Variants in ATP13A1 observed in about 807,000 individuals in gnomAD.
ATP13A1 encodes endoplasmic reticulum transmembrane helix translocase.
ATP13A1 carries 55 observed loss-of-function variants against 134.8 expected under a neutral mutation model. That is an observed-to-expected ratio of 0.41 (90% CI 0.33 to 0.51). ATP13A1 has a LOEUF of 0.51. Among genes scored for constraint, ATP13A1 ranks in the 20% least tolerant of loss-of-function variants. The pLI is 0.29. For synonymous variants in ATP13A1, 775 were observed against 725.1 expected (o/e 1.07, Z -1.10); for missense variants, 1,389 against 1,652.8 (o/e 0.84, Z 2.77).
chr19:19,649,506 C>G, intron 19 of ATP13A1, 61 bp downstream of exon 19: 4 of 1,538,876 alleles, frequency 2.6e-6, no homozygotes, highest in Admixed American at 3.7e-5. Context: ...GTCTTTCTAG[C>G]TCAGTGACAT....
At chr19:19,660,271 C>T (rs1377222833) in intron 1 of ATP13A1, among the ~76,000 whole-genome samples, 5 of 150,480 alleles carry the variant, frequency 3.3e-5, no homozygotes. Flanking sequence ...CACTTGAGAT[C>T]AGGAGTTTGA....
rs1313128550 is a variant in ATP13A1, at chr19:19,655,544, G to C, written c.1380C>G (p.Ala460=). Reference sequence around the variant, plus strand: ...GGCGCTTACCTTCAATCCATACATAGGCAGCTGCAGCGATGGCAAACACCA... The same window carrying C: ...GGCGCTTACCTTCAATCCATACATACGCAGCTGCAGCGATGGCAAACACCA... ...FLLVFAIAAA[A]YVWIEGTKDP... The change falls in exon 10 of 26, where the codon GCC becomes GCG. Residue 460 remains alanine, a synonymous_variant. Transcript: ENST00000357324. This position sits in a 1 kb window ranked among gnomAD's most constrained non-coding sequence, Gnocchi z 5.7. The C allele has an allele frequency of 6.2e-7, 1 of 1,613,976 alleles. No homozygotes were observed. Among genetic ancestry groups the C allele is most frequent in the Non-Finnish European group, 8.5e-7 (1 of 1,179,876 alleles).
At chr19:19,658,753 C>A (rs969059927) in intron 3 of ATP13A1, among the ~76,000 whole-genome samples, 1 of 152,160 alleles carries the variant, frequency 6.6e-6, no homozygotes, top group Non-Finnish European at 1.5e-5. Context: ...GACATGGTCA[C>A]GGTCTTCCAT....
Position 19,645,842 on chromosome 19 carries a change from C to G in ATP13A1, c.3360+32G>C. On this transcript the variant is annotated intron_variant, in intron 24 of 25. Coordinates refer to ENST00000357324, the MANE Select transcript of ATP13A1 (RefSeq NM_020410.3). This position sits in a 1 kb window ranked among gnomAD's most constrained non-coding sequence, Gnocchi z 4.1. ...CATGGGGTGGGGCTGGGTGGGCAGA[C>G]AGTGAATGTTTGGGCAGGGCCCAGG... 6.2e-7 allele frequency: 1 copy of G among 1,612,326 alleles called. No individual in the cohort carries two copies. Among genetic ancestry groups the G allele is most frequent in the East Asian group, 2.2e-5 (1 of 44,854 alleles).
intron 22 of ATP13A1, chr19:19,646,604 A>G (rs1056779590): frequency 1.8e-6 from 1 of 542,954 alleles, no homozygotes; most frequent in African/African-American, 1.9e-5. Context: ...AGAATCATGA[A>G]GCAGATCCTG....
chr19:19,656,017 A>G lies in ATP13A1; in HGVS notation c.1213+37T>C, dbSNP rs1278346129. 1.9e-6 allele frequency: 3 copies of G among 1,612,960 alleles called. No homozygotes were observed. The highest frequency in any genetic ancestry group is 2.5e-6 in the Non-Finnish European group (3 of 1,179,676). ...TCAAGCAGACGGGCAAAGGGGGTGG[A>G]AGCCCAGATACCCCCAGACGCCCAT... On this transcript the variant is annotated intron_variant, in intron 8 of 25. Transcript: ENST00000357324. This position sits in a 1 kb window ranked among gnomAD's most constrained non-coding sequence, Gnocchi z 4.6.
chr19:19,659,536 C>T, intron 3 of ATP13A1, 65 bp downstream of exon 3: 1 of 1,350,496 alleles, frequency 7.4e-7, no homozygotes, highest in Non-Finnish European at 1.0e-6. Context: ...GCTTCCTAGG[C>T]ACCCTGAATC....
Position 19,663,556 on chromosome 19 carries a change from G to C in ATP13A1, c.111C>G (p.Ala37=), listed in dbSNP as rs1476272131. ...CGTTCGCTATGAGCGCCGGCCCGGC[G>C]GCAAGGAGCGCGCGCGGCTGCGGCC... ...KPGPQPRALL[A]AGPALIANGD... is the part of the protein sequence containing the mutation. The change falls in exon 1 of 26, where the codon GCC becomes GCG. Residue 37 remains alanine (A), a synonymous_variant. Transcript: ENST00000357324. The C allele has an allele frequency of 2.6e-6, 4 of 1,512,024 alleles. No homozygotes were observed. The allele number at this position is 1,512,024 out of a possible 1,614,324, so 93.7% of individuals were successfully genotyped here.
In ATP13A1 at chr19:19,647,635, C is replaced by T. The variant is rs1037040663; in HGVS notation, c.2757G>A (p.Gly919=). 1 of 1,613,242 alleles carries T rather than the reference C, an allele frequency of 6.2e-7. No homozygotes were observed. Among genetic ancestry groups the T allele is most frequent in the Admixed American group, 1.7e-5 (1 of 60,010 alleles). Residue 919 remains glycine, a synonymous_variant, in exon 20 of 26, where the codon GGG becomes GGA. Transcript: ENST00000357324. The surrounding 1 kb of genome is among the most constrained non-coding windows in gnomAD (Gnocchi z 4.8). ...TTGGCTGCTCCTCGGAGGGAGGGAG[C>T]CCCGACCGCTGCTTGGCTGTCCTGG... is the stretch of plus-strand genomic sequence containing the variant. ...ATSRTAKQRS[G]LPPSEEQPTS...
chr19:19,657,975 C>G (rs1382725996), intron 3 of ATP13A1, among the ~76,000 whole-genome samples: 1 of 151,850 alleles, frequency 6.6e-6, no homozygotes, highest in Non-Finnish European at 1.5e-5. Flanking sequence ...ACAGCAAGAC[C>G]TTCTATTTAC....
chr19:19,646,426 C>T (rs1599425791), intron 22 of ATP13A1, 79 bp from the exon 23 acceptor site: 1 of 1,530,422 alleles, frequency 6.5e-7, no homozygotes, highest in East Asian at 2.3e-5. Flanking sequence ...GCAGTAACAT[C>T]CCCTGCCTCC....
In ATP13A1 at chr19:19,647,084, G is replaced by C. The variant is rs2061991198; in HGVS notation, c.3105+45C>G. The C allele has an allele frequency of 6.4e-7, 1 of 1,566,032 alleles. No individual in the cohort carries two copies. Among genetic ancestry groups the C allele is most frequent in the African/African-American group, 1.4e-5 (1 of 73,700 alleles). ...CCCGTGCCTATATCAGCCTGGCCCT[G>C]GCAGGCCCATGCATCCCTGGCCTTC... On this transcript the variant is annotated intron_variant, in intron 22 of 25. Coordinates refer to ENST00000357324, the MANE Select transcript of ATP13A1 (RefSeq NM_020410.3). The surrounding 1 kb of genome is among the most constrained non-coding windows in gnomAD (Gnocchi z 4.8).
Position 19,652,717 on chromosome 19 carries a change from G to A in ATP13A1, c.2104C>T (p.Arg702Trp), listed in dbSNP as rs2288864. The A allele has an allele frequency of 6.2e-6, 10 of 1,603,424 alleles. No individual in the cohort carries two copies. The highest frequency in any genetic ancestry group is 1.6e-4 in the Middle Eastern group (1 of 6,072). ...ELGHLTHQQA[R>W]EVKREALECS... is the part of the protein sequence containing the mutation. ...TCCAGGGCCTCCCGCTTGACCTCCCGGGCCTGCGGACAGACAGGGGCACCC... is the reference window on the plus strand; with the variant it reads ...TCCAGGGCCTCCCGCTTGACCTCCCAGGCCTGCGGACAGACAGGGGCACCC... The change falls in exon 16 of 26, where the codon CGG becomes TGG. Residue 702 changes from arginine (R) to tryptophan (W), a missense_variant. Transcript: ENST00000357324.
At chr19:19,661,809 G>A (rs994767822) in intron 1 of ATP13A1, among the ~76,000 whole-genome samples, 5 of 152,170 alleles carry the variant, frequency 3.3e-5, no homozygotes, top group Non-Finnish European at 7.4e-5. Context: ...GAAACAAAGC[G>A]CCACCGCACG....
At chr19:19,659,578 C>G in intron 3 of ATP13A1, 23 bp downstream of exon 3, 1 of 1,599,770 alleles carries the variant, frequency 6.3e-7, no homozygotes, top group Non-Finnish European at 8.6e-7. Flanking sequence ...GGCAAAGGTG[C>G]TACAGGCAAA....
rs1391487801 is a variant in ATP13A1 at position 19,646,001 on chromosome 19, G to C, written c.3249-16C>G. On this transcript the variant is annotated splice_polypyrimidine_tract_variant and intron_variant, in intron 23 of 25. Transcript: ENST00000357324. ...CTGCTCCTGCCTGCAAGGACACATG[G>C]GAGTCAGGGCCCCCTCTCCTGCTCC... 2 of 1,609,912 alleles carry C rather than the reference G, an allele frequency of 1.2e-6. No homozygotes were observed. The highest frequency in any genetic ancestry group is 1.7e-6 in the Non-Finnish European group (2 of 1,179,642).
At chr19:19,662,892 C>G in intron 1 of ATP13A1, among the ~76,000 whole-genome samples, 1 of 152,108 alleles carries the variant, frequency 6.6e-6, no homozygotes, top group African/African-American at 2.4e-5. Context: ...AGGTAGGAGA[C>G]AGATGAGATG....
rs200525190 is a variant in ATP13A1 at position 19,645,537 on chromosome 19, C to T, written c.3505-5G>A. On this transcript the variant is annotated splice_polypyrimidine_tract_variant and splice_region_variant and intron_variant, in intron 25 of 25. Transcript: ENST00000357324. This position sits in a 1 kb window ranked among gnomAD's most constrained non-coding sequence, Gnocchi z 4.1. Reference sequence around the variant, plus strand: ...CTGGGCAATGACCAGCTTGAACTGTCGGGGCAGGGAGGGATGGTGAGCTGG... The same window carrying T: ...CTGGGCAATGACCAGCTTGAACTGTTGGGGCAGGGAGGGATGGTGAGCTGG... 45 of 1,591,438 alleles carry T rather than the reference C, an allele frequency of 2.8e-5. No homozygotes were observed. The Admixed American group carries it at 3.4e-4, about 12-fold the overall frequency.
Position 19,647,044 on chromosome 19 carries a change from T to C in ATP13A1, c.3105+85A>G, listed in dbSNP as rs959451905. 7.7e-6 allele frequency: 11 copies of C among 1,420,148 alleles called. No individual in the cohort carries two copies. The highest frequency in any genetic ancestry group is 9.5e-6 in the Non-Finnish European group (10 of 1,050,014). The allele number at this position is 1,420,148 out of a possible 1,614,324, so 88.0% of individuals were successfully genotyped here. A position where few individuals can be genotyped will look rare whatever the true frequency, so the allele number is the denominator to read the frequency against. The stretch of plus-strand genomic sequence containing the variant: ...TCTCTGGGGCCCTGGGTCCTGTAAC[T>C]TGGGGATGACAATTCCCGTGCCTAT... On this transcript the variant is annotated intron_variant, in intron 22 of 25. Transcript: ENST00000357324. The surrounding 1 kb of genome is among the most constrained non-coding windows in gnomAD (Gnocchi z 4.8).
Sources: gnomAD v4.1 joint callset for allele counts (sites outside exome capture counted in the v4.1 genomes callset) on GRCh38, gnomAD v4.1.1 for gene constraint, Gnocchi (gnomAD v3.1) non-coding constraint, MANE v1.5 for transcripts, NCBI Gene and HGNC (gene_info 2026-07-23, HGNC 2026-07-21) for gene names.